Variants in GRIP1 observed in about 807,000 individuals in gnomAD.
GRIP1 encodes the protein glutamate receptor-interacting protein 1.
Under a neutral mutation model 129.9 loss-of-function variants are expected in GRIP1, and 45 were observed. That is an observed-to-expected ratio of 0.35 (90% CI 0.27 to 0.44). The LOEUF is 0.44. GRIP1 is among the 20% of genes least tolerant of loss of function. The pLI is 1.00. For synonymous variants in GRIP1, 530 were observed against 520.8 expected (o/e 1.02, Z -0.24); for missense variants, 1,196 against 1,396.8 (o/e 0.86, Z 2.29).
intron 1 of GRIP1, among the ~76,000 whole-genome samples, chr12:67,022,654 T>C (rs748737206): frequency 1.3e-5 from 2 of 152,216 alleles, no homozygotes; most frequent in Non-Finnish European, 2.9e-5. Flanking sequence ...AGGTAGCTCA[T>C]TGTGAGTTTA....
intron 8 of GRIP1, among the ~76,000 whole-genome samples, chr12:66,463,760 G>T (rs1184515271): frequency 1.3e-5 from 2 of 152,156 alleles, no homozygotes; most frequent in Non-Finnish European, 2.9e-5. Context: ...GGGGCTAGCT[G>T]CTACATCTTG....
chr12:66,376,418 G>T (rs1332739393), intron 22 of GRIP1, among the ~76,000 whole-genome samples: 1 of 152,064 alleles, frequency 6.6e-6, no homozygotes, highest in Non-Finnish European at 1.5e-5. Context: ...AAATTTAAAA[G>T]AACATAAAAG....
chr12:66,562,029 G>A (rs1259778187), intron 2 of GRIP1, among the ~76,000 whole-genome samples: 1 of 152,044 alleles, frequency 6.6e-6, no homozygotes, highest in African/African-American at 2.4e-5. Flanking sequence ...GATTGCTTGA[G>A]CCTGGGAGGT....
At chr12:67,053,250 T>C (rs918131902) in intron 1 of GRIP1, among the ~76,000 whole-genome samples, 3 of 152,236 alleles carry the variant, frequency 2.0e-5, no homozygotes, top group Non-Finnish European at 4.4e-5. Flanking sequence ...GTTATTCTGA[T>C]ATTCCAAAGC....
upstream of GRIP1, among the ~76,000 whole-genome samples, chr12:66,807,055 G>A (rs190177280): frequency 5.9e-5 from 9 of 152,254 alleles, no homozygotes; most frequent in Non-Finnish European, 1.2e-4. Context: ...TGTTGTAACA[G>A]ATGATGTGAA....
chr12:66,528,856 A>T (rs1293386147), intron 5 of GRIP1, among the ~76,000 whole-genome samples: 1 of 152,202 alleles, frequency 6.6e-6, no homozygotes, highest in African/African-American at 2.4e-5. Context: ...GATTTTTCTA[A>T]CCCAGAGAGT....
intron 5 of GRIP1, among the ~76,000 whole-genome samples, chr12:66,528,134 G>GTTTTTTTTTT (rs59443918): frequency 0.079 from 7,774 of 97,936 alleles, 580 homozygotes; most frequent in Non-Finnish European, 0.11. Flanking sequence ...GAATTAGTAG[G>GTTTTTTTTTT]TTTTTTTTTT....
intron 1 of GRIP1, among the ~76,000 whole-genome samples, chr12:66,748,885 T>C (rs2037037351): frequency 1.3e-5 from 2 of 152,228 alleles, no homozygotes; most frequent in South Asian, 4.1e-4. Flanking sequence ...GTACTATACC[T>C]GAGTGTATCC....
chr12:66,956,674 G>C (rs1361966936), intron 1 of GRIP1, among the ~76,000 whole-genome samples: 1 of 152,094 alleles, frequency 6.6e-6, no homozygotes, highest in Non-Finnish European at 1.5e-5. Context: ...TTTTCTCCCA[G>C]GATGATGTCC....
In GRIP1 at chr12:66,908,567, A is replaced by G. The variant is rs191869982; in HGVS notation, c.58+160483T>C. On this transcript the variant is annotated intron_variant, in intron 1 of 1. Transcript: ENST00000643019. ...TAAATTGAGGAACAAATATGATCTG[A>G]AGAAACAGTGTTGCATATTAAACAC... Among the ~76,000 whole-genome samples the G allele has an allele frequency of 2.0e-5, 3 of 152,334 alleles. No homozygotes were observed. In the East Asian group the frequency reaches 5.8e-4, roughly 29 times the overall value.
intron 1 of GRIP1, among the ~76,000 whole-genome samples, chr12:66,827,876 G>C (rs560435404): frequency 6.6e-6 from 1 of 152,038 alleles, no homozygotes; most frequent in East Asian, 1.9e-4. Flanking sequence ...AACATATCTT[G>C]CTTATAGGGC....
intron 2 of GRIP1, among the ~76,000 whole-genome samples, chr12:66,578,232 G>GTTTTTTTTGTTTT (rs2063212858): frequency 9.8e-6 from 1 of 102,514 alleles, no homozygotes; most frequent in Non-Finnish European, 1.9e-5. Context: ...CAAAACCGCG[G>GTTTTTTTTGTTTT]TTTTTTTTTT....
intron 5 of GRIP1, 140 bp downstream of exon 5, chr12:66,529,691 C>CTCGGG: frequency 1.5e-6 from 1 of 677,540 alleles, no homozygotes; most frequent in Non-Finnish European, 2.7e-6. Context: ...GTGTATACTG[C>CTCGGG]TCGGGTCGTG....
intron 1 of GRIP1, among the ~76,000 whole-genome samples, chr12:66,837,732 C>G (rs922128412): frequency 6.6e-6 from 1 of 152,012 alleles, no homozygotes. Context: ...TAGTTAGAAG[C>G]CTATCGCAAT....
chr12:66,388,335 C>G (rs897507551), intron 19 of GRIP1, among the ~76,000 whole-genome samples: 3 of 151,956 alleles, frequency 2.0e-5, no homozygotes, highest in Non-Finnish European at 1.5e-5. Flanking sequence ...TGAGAGAAAA[C>G]AAATGATCAA....
At chr12:66,696,889 T>C (rs2035184841) in intron 1 of GRIP1, among the ~76,000 whole-genome samples, 1 of 149,488 alleles carries the variant, frequency 6.7e-6, no homozygotes, top group African/African-American at 2.5e-5. Flanking sequence ...CTGCACCTAA[T>C]AGAATTTGGT....
At position 67,068,581 on chromosome 12, in the gene GRIP1, C is replaced by T. The variant is rs142844462; in HGVS notation, c.58+469G>A. Among the ~76,000 whole-genome samples, 252 of 152,156 alleles carry T rather than the reference C, an allele frequency of 1.7e-3. 2 individuals are homozygous for T. Among genetic ancestry groups the T allele is most frequent in the African/African-American group, 5.8e-3 (239 of 41,512 alleles). On this transcript the variant is annotated intron_variant, in intron 1 of 1. Transcript: ENST00000643019. ...TCCAGCAACTTTGGGTTGGCAATGCCGTCGCAGCCCAGCCAGAGGCGGGGA... is the reference window on the plus strand; with the variant it reads ...TCCAGCAACTTTGGGTTGGCAATGCTGTCGCAGCCCAGCCAGAGGCGGGGA...
chr12:66,886,326 A>T (rs1419531141), intron 1 of GRIP1, among the ~76,000 whole-genome samples: 2 of 152,148 alleles, frequency 1.3e-5, no homozygotes, highest in Non-Finnish European at 1.5e-5. Context: ...TAAGGTAAAA[A>T]TGCTCATGAG....
chr12:66,715,920 T>G (rs1465902285), intron 1 of GRIP1, among the ~76,000 whole-genome samples: 2 of 151,970 alleles, frequency 1.3e-5, no homozygotes, highest in Non-Finnish European at 2.9e-5. Flanking sequence ...GAAGCATCGC[T>G]CACCCAGCAT....
Sources: gnomAD v4.1 joint callset for allele counts (sites outside exome capture counted in the v4.1 genomes callset) on GRCh38, gnomAD v4.1.1 for gene constraint, MANE v1.5 for transcripts, NCBI Gene and HGNC (gene_info 2026-07-23, HGNC 2026-07-21) for gene names.